Variants in ITPRIPL2 observed in about 807,000 individuals in gnomAD.
ITPRIPL2 encodes the protein inositol 1,4,5-trisphosphate receptor-interacting protein-like 2.
In ITPRIPL2, 29 loss-of-function variants were observed where a neutral mutation model predicts 31.7. The ratio of observed to expected loss-of-function variants is 0.91; its 90% CI spans 0.68 to 1.25. ITPRIPL2 has a LOEUF of 1.25. Among genes scored for constraint, ITPRIPL2 ranks in the 50% most tolerant of loss-of-function variants. ITPRIPL2 has a pLI of 0.00. For missense variants in ITPRIPL2, 696 were observed against 739.1 expected (o/e 0.94, Z 0.68); for synonymous variants, 344 against 343.4 (o/e 1.00, Z -0.02).
chr16:19,114,725 C>T lies in ITPRIPL2; in HGVS notation c.264C>T (p.Ser88=). The T allele has an allele frequency of 2.5e-6, 4 of 1,610,328 alleles. No homozygotes were observed. Among genetic ancestry groups the T allele is most frequent in the East Asian group, 4.5e-5 (2 of 44,870 alleles). The change falls in exon 1 of 1, where the codon TCC becomes TCT. Residue 88 remains serine, a synonymous_variant. Coordinates refer to ENST00000381440, the MANE Select transcript of ITPRIPL2 (RefSeq NM_001034841.4). ...GTCTGGAGGGTCACGCCGCCTTCTC[C>T]TCGAGACACTTCCGAGAGCCGGGCC... The part of the protein sequence containing the change: ...SPRLEGHAAF[S]SRHFREPGLS...
rs1963516070 is a variant in ITPRIPL2 at position 19,121,143 on chromosome 16, G to A, written c.*5074G>A. 1 of 166,832 alleles carries A rather than the reference G, an allele frequency of 6.0e-6. No individual in the cohort carries two copies. Among genetic ancestry groups the A allele is most frequent in the Admixed American group, 6.6e-5 (1 of 15,238 alleles). The allele number at this position is 166,832 out of a possible 1,614,324, so 10.3% of individuals were successfully genotyped here. On this transcript the variant is annotated 3_prime_UTR_variant, in exon 1 of 1. Transcript: ENST00000381440. ...GGGATAAAGCATGTATAAGTTGGGA[G>A]AGGGTAAAGAATGTGTGACTATGTA... is the stretch of plus-strand genomic sequence containing the variant.
chr16:19,114,840 G>C lies in ITPRIPL2; in HGVS notation c.379G>C (p.Val127Leu). The C allele has an allele frequency of 2.5e-6, 4 of 1,604,780 alleles. No individual in the cohort carries two copies. Among genetic ancestry groups the C allele is most frequent in the Non-Finnish European group, 3.4e-6 (4 of 1,176,226 alleles). Residue 127 changes from valine to leucine, a missense_variant, in exon 1 of 1, where the codon GTG (valine) becomes CTG (leucine). By Grantham distance (32) the Val-to-Leu change is conservative (BLOSUM62 1). Transcript: ENST00000381440. ...CAGCAAGGCGCACGTGAGCCGGATC[G>C]TGGGCGAGCTGGTGCGGGCTGGCCG... Reference protein sequence around the residue: ...GHSKAHVSRIVGELVRAGRAR... With the variant: ...GHSKAHVSRILGELVRAGRAR...
chr16:19,116,113 T>G lies in ITPRIPL2; in HGVS notation c.*44T>G. On this transcript the variant is annotated 3_prime_UTR_variant, in exon 1 of 1. Coordinates refer to ENST00000381440, the MANE Select transcript of ITPRIPL2 (RefSeq NM_001034841.4). Reference sequence around the variant, plus strand: ...CCTGACCAAATGCTCCTAAAGCCTTTCCCACTGGGTGGGGGTGGGAATGGC... The same window carrying G: ...CCTGACCAAATGCTCCTAAAGCCTTGCCCACTGGGTGGGGGTGGGAATGGC... The G allele has an allele frequency of 6.6e-7, 1 of 1,504,026 alleles. No individual in the cohort carries two copies. 93.2% of individuals were successfully genotyped at this position (1,504,026 alleles called of 1,614,324 possible). A position where few individuals can be genotyped will look rare whatever the true frequency, so the allele number is the denominator to read the frequency against.
rs757506321 is a variant in ITPRIPL2 at position 19,115,197 on chromosome 16, C to T, written c.736C>T (p.Leu246Phe). 2 of 1,608,326 alleles carry T rather than the reference C, an allele frequency of 1.2e-6. No homozygotes were observed. The highest frequency in any genetic ancestry group is 3.3e-5 in the Admixed American group (2 of 60,030). ...CGTGGATGTGCGCGGGCGGCGTCAC[C>T]TCTCTGCTACTCTGGTGCTGCGCTG... ...FCVDVRGRRH[L>F]SATLVLRWFQ... Residue 246 changes from leucine to phenylalanine, a missense_variant, in exon 1 of 1, where the codon CTC becomes TTC. Coordinates refer to ENST00000381440, the MANE Select transcript of ITPRIPL2 (RefSeq NM_001034841.4).
At position 19,114,677 on chromosome 16, in the gene ITPRIPL2, G is replaced by T; in HGVS notation, c.216G>T (p.Gln72His). The change falls in exon 1 of 1, where the codon CAG (glutamine) becomes CAT (histidine). Residue 72 changes from glutamine (Q) to histidine (H), a missense_variant. Physicochemically the swap from Gln to His is conservative, Grantham distance 24 (BLOSUM62 0). Coordinates refer to ENST00000381440, the MANE Select transcript of ITPRIPL2 (RefSeq NM_001034841.4). ...TGCGCTGTCGCCACGCTGTCCGGCA[G>T]CGCTTCCTGCCCGGGTCTCCCCGTC... The part of the protein sequence containing the change: ...VLLRCRHAVR[Q>H]RFLPGSPRLE... 1 of 1,611,860 alleles carries T rather than the reference G, an allele frequency of 6.2e-7. No individual in the cohort carries two copies. Among genetic ancestry groups the T allele is most frequent in the Non-Finnish European group, 8.5e-7 (1 of 1,179,528 alleles).
In ITPRIPL2 at chr16:19,118,192, T is replaced by C. The variant is rs142063743; in HGVS notation, c.*2123T>C. ...GATTATAAAGCTTTAAGGCTGGGCG[T>C]GGTGGCTCACGCCTGTAATCCCAGC... On this transcript the variant is annotated 3_prime_UTR_variant, in exon 1 of 1. Coordinates refer to ENST00000381440, the MANE Select transcript of ITPRIPL2 (RefSeq NM_001034841.4). 17,322 of 166,574 alleles carry C rather than the reference T, an allele frequency of 0.1. 2,618 individuals carry two copies. The highest frequency in any genetic ancestry group is 0.35 in the African/African-American group (14,305 of 41,238). 10.3% of individuals were successfully genotyped at this position (166,574 alleles called of 1,614,324 possible). A position where few individuals can be genotyped will look rare whatever the true frequency, so the allele number is the denominator to read the frequency against.
chr16:19,119,364 A>C lies in ITPRIPL2; in HGVS notation c.*3295A>C, dbSNP rs193238880. The stretch of plus-strand genomic sequence containing the variant: ...ATTTCCAACCAGGGGTCGCAAACTC[A>C]GCAGCCTGTAGAAACAGGGGTGGGA... On this transcript the variant is annotated 3_prime_UTR_variant, in exon 1 of 1. Transcript: ENST00000381440. The C allele has an allele frequency of 3.8e-6, 1 of 260,078 alleles. No individual in the cohort carries two copies. Among genetic ancestry groups the C allele is most frequent in the Non-Finnish European group, 7.7e-6 (1 of 129,366 alleles). The allele number at this position is 260,078 out of a possible 1,614,324, so 16.1% of individuals were successfully genotyped here. A position where few individuals can be genotyped will look rare whatever the true frequency, so the allele number is the denominator to read the frequency against.
In ITPRIPL2 at chr16:19,117,729, G is replaced by A. The variant is rs1043591066; in HGVS notation, c.*1660G>A. 1 of 166,976 alleles carries A rather than the reference G, an allele frequency of 6.0e-6. No individual in the cohort carries two copies. Among genetic ancestry groups the A allele is most frequent in the Admixed American group, 6.6e-5 (1 of 15,258 alleles). 10.3% of individuals were successfully genotyped at this position (166,976 alleles called of 1,614,324 possible). On this transcript the variant is annotated 3_prime_UTR_variant, in exon 1 of 1. Transcript: ENST00000381440. Reference sequence around the variant, plus strand: ...GAGCTCTTTTGAGGGAACTCTATAAGCCTTCTTTCTTTAGGGGATCCACTT... The same window carrying A: ...GAGCTCTTTTGAGGGAACTCTATAAACCTTCTTTCTTTAGGGGATCCACTT...
chr16:19,119,773 T>C lies in ITPRIPL2; in HGVS notation c.*3704T>C, dbSNP rs967417948. The stretch of plus-strand genomic sequence containing the variant: ...GCCATAGATAACACTTAACTCACAG[T>C]TCCCAGGAGGACACTTGATCTCGAA... On this transcript the variant is annotated 3_prime_UTR_variant, in exon 1 of 1. Coordinates refer to ENST00000381440, the MANE Select transcript of ITPRIPL2 (RefSeq NM_001034841.4). 8 of 166,972 alleles carry C rather than the reference T, an allele frequency of 4.8e-5. No homozygotes were observed. The highest frequency in any genetic ancestry group is 1.9e-4 in the African/African-American group (8 of 41,436). The allele number at this position is 166,972 out of a possible 1,614,324, so 10.3% of individuals were successfully genotyped here. A position where few individuals can be genotyped will look rare whatever the true frequency, so the allele number is the denominator to read the frequency against.
rs117913575 is a variant in ITPRIPL2 at position 19,118,101 on chromosome 16, C to T, written c.*2032C>T. 978 of 164,618 alleles carry T rather than the reference C, an allele frequency of 5.9e-3. 10 individuals carry two copies. The highest frequency in any genetic ancestry group is 0.013 in the South Asian group (62 of 4,770). 10.2% of individuals were successfully genotyped at this position (164,618 alleles called of 1,614,324 possible). A position where few individuals can be genotyped will look rare whatever the true frequency, so the allele number is the denominator to read the frequency against. The stretch of plus-strand genomic sequence containing the variant: ...CATATTTTATATATATATATATTTC[C>T]ATACTCAACCACAACTTCCTCTGTA... On this transcript the variant is annotated 3_prime_UTR_variant, in exon 1 of 1. Transcript: ENST00000381440.
In ITPRIPL2 at chr16:19,115,352, C is replaced by T; in HGVS notation, c.891C>T (p.Asp297=). 6.2e-7 allele frequency: 1 copy of T among 1,613,414 alleles called. No homozygotes were observed. The highest frequency in any genetic ancestry group is 8.5e-7 in the Non-Finnish European group (1 of 1,179,978). The change falls in exon 1 of 1, where the codon GAC becomes GAT. Residue 297 remains aspartate (D), a synonymous_variant. Coordinates refer to ENST00000381440, the MANE Select transcript of ITPRIPL2 (RefSeq NM_001034841.4). ...PTLHILPCRT[D]YGCCRLSMAV... The stretch of plus-strand genomic sequence containing the variant: ...TACACATCTTGCCCTGCCGCACTGA[C>T]TACGGCTGCTGCCGCCTTTCTATGG...
rs1202105816 is a variant in ITPRIPL2 at position 19,120,638 on chromosome 16, T to G, written c.*4569T>G. 1.5e-5 allele frequency: 2 copies of G among 134,714 alleles called. No individual in the cohort carries two copies. Among genetic ancestry groups the G allele is most frequent in the African/African-American group, 6.0e-5 (2 of 33,076 alleles). The allele number at this position is 134,714 out of a possible 1,614,324, so 8.3% of individuals were successfully genotyped here. A position where few individuals can be genotyped will look rare whatever the true frequency, so the allele number is the denominator to read the frequency against. The stretch of plus-strand genomic sequence containing the variant: ...ATATATATATATATTTTTTTTTTTT[T>G]TTTTTAGTAGAGATGGGGTTTCATC... On this transcript the variant is annotated 3_prime_UTR_variant, in exon 1 of 1. Transcript: ENST00000381440.
chr16:19,114,601 G>C lies in ITPRIPL2; in HGVS notation c.140G>C (p.Gly47Ala). 1 of 1,580,594 alleles carries C rather than the reference G, an allele frequency of 6.3e-7. No individual in the cohort carries two copies. The highest frequency in any genetic ancestry group is 2.2e-5 in the East Asian group (1 of 44,454). ...GAGCCCGCCGACGGCGTGGATGGCG[G>C]CTTCCCGTTGCTTAAGGTGGCCGTC... is the stretch of plus-strand genomic sequence containing the variant. ...RAEPADGVDG[G>A]FPLLKVAVLL... The change falls in exon 1 of 1, where the codon GGC becomes GCC. Residue 47 changes from glycine to alanine, a missense_variant. By Grantham distance (60) the Gly-to-Ala change is moderately conservative (BLOSUM62 0). Coordinates refer to ENST00000381440, the MANE Select transcript of ITPRIPL2 (RefSeq NM_001034841.4).
At position 19,120,135 on chromosome 16, in the gene ITPRIPL2, G is replaced by A. The variant is rs1028261682; in HGVS notation, c.*4066G>A. ...CTCAGTCTGTTGCCCAGGCTGGAGT[G>A]CAGTGGCAAGATTGCAGCTCATTGC... On this transcript the variant is annotated 3_prime_UTR_variant, in exon 1 of 1. Transcript: ENST00000381440. 6 of 166,878 alleles carry A rather than the reference G, an allele frequency of 3.6e-5. No individual in the cohort carries two copies. The highest frequency in any genetic ancestry group is 1.5e-4 in the African/African-American group (6 of 41,368). 10.3% of individuals were successfully genotyped at this position (166,878 alleles called of 1,614,324 possible). A position where few individuals can be genotyped will look rare whatever the true frequency, so the allele number is the denominator to read the frequency against.
At position 19,114,552 on chromosome 16, in the gene ITPRIPL2, C is replaced by A. The variant is rs755131376; in HGVS notation, c.91C>A (p.Arg31=). The A allele has an allele frequency of 2.6e-6, 4 of 1,531,356 alleles. No homozygotes were observed. The highest frequency in any genetic ancestry group is 1.3e-5 in the South Asian group (1 of 78,292). 94.9% of individuals were successfully genotyped at this position (1,531,356 alleles called of 1,614,324 possible). The change falls in exon 1 of 1, where the codon CGG becomes AGG. Residue 31 remains arginine, a synonymous_variant. Transcript: ENST00000381440. The part of the protein sequence containing the change: ...TALVCLYHVL[R]GSGGARAEPA... Reference sequence around the variant, plus strand: ...CCTGGTGTGCCTCTACCATGTCCTGCGGGGAAGCGGGGGCGCCCGGGCCGA... The same window carrying A: ...CCTGGTGTGCCTCTACCATGTCCTGAGGGGAAGCGGGGGCGCCCGGGCCGA...
In ITPRIPL2 at chr16:19,115,908, G is replaced by T. The variant is rs534397039; in HGVS notation, c.1447G>T (p.Ala483Ser). 1.6e-5 allele frequency: 25 copies of T among 1,611,958 alleles called. No homozygotes were observed. The East Asian group carries it at 3.8e-4, about 24-fold the overall frequency. ...AGCCGCCCCAGTTGACCTCCTGGCC[G>T]CTTTCGACGGGCACGCCCGGGAACT... is the stretch of plus-strand genomic sequence containing the variant. ...REAAPVDLLA[A>S]FDGHARELAA... is the part of the protein sequence containing the mutation. Residue 483 changes from alanine to serine, a missense_variant, in exon 1 of 1, where the codon GCT becomes TCT. Physicochemically the swap from Ala to Ser is moderately conservative, Grantham distance 99. Coordinates refer to ENST00000381440, the MANE Select transcript of ITPRIPL2 (RefSeq NM_001034841.4).
Position 19,115,803 on chromosome 16 carries a change from C to T in ITPRIPL2, c.1342C>T (p.Arg448Cys), listed in dbSNP as rs749657890. ...GTTCCTTAGGGACTGCCTGCTGCGA[C>T]GCCATACGCTCTTCCACTGCGTCCT... ...VQFLRDCLLR[R>C]HTLFHCVLGP... Residue 448 changes from arginine (R) to cysteine (C), a missense_variant, in exon 1 of 1, where the codon CGC becomes TGC. Coordinates refer to ENST00000381440, the MANE Select transcript of ITPRIPL2 (RefSeq NM_001034841.4). 2 of 1,612,826 alleles carry T rather than the reference C, an allele frequency of 1.2e-6. No individual in the cohort carries two copies. The highest frequency in any genetic ancestry group is 4.5e-5 in the East Asian group (2 of 44,880).
rs958867392 is a variant in ITPRIPL2, at chr16:19,115,204, C to G, written c.743C>G (p.Ala248Gly). Reference sequence around the variant, plus strand: ...GTGCGCGGGCGGCGTCACCTCTCTGCTACTCTGGTGCTGCGCTGGTTCCAG... The same window carrying G: ...GTGCGCGGGCGGCGTCACCTCTCTGGTACTCTGGTGCTGCGCTGGTTCCAG... ...VDVRGRRHLS[A>G]TLVLRWFQSH... Residue 248 changes from alanine (A) to glycine (G), a missense_variant, in exon 1 of 1, where the codon GCT (alanine) becomes GGT (glycine). By Grantham distance (60) the Ala-to-Gly change is moderately conservative (BLOSUM62 0). Coordinates refer to ENST00000381440, the MANE Select transcript of ITPRIPL2 (RefSeq NM_001034841.4). 1 of 1,608,854 alleles carries G rather than the reference C, an allele frequency of 6.2e-7. No individual in the cohort carries two copies. The highest frequency in any genetic ancestry group is 8.5e-7 in the Non-Finnish European group (1 of 1,180,002).
At position 19,116,323 on chromosome 16, in the gene ITPRIPL2, C is replaced by G. The variant is rs1261485736; in HGVS notation, c.*254C>G. The G allele has an allele frequency of 2.1e-6, 1 of 475,936 alleles. No individual in the cohort carries two copies. Among genetic ancestry groups the G allele is most frequent in the Non-Finnish European group, 3.8e-6 (1 of 262,182 alleles). The allele number at this position is 475,936 out of a possible 1,614,324, so 29.5% of individuals were successfully genotyped here. A position where few individuals can be genotyped will look rare whatever the true frequency, so the allele number is the denominator to read the frequency against. ...CCAACAGGAGACCCAAGAATTGGTTCAAATATTGTTCTGTGTAGACGGATT... is the reference window on the plus strand; with the variant it reads ...CCAACAGGAGACCCAAGAATTGGTTGAAATATTGTTCTGTGTAGACGGATT... On this transcript the variant is annotated 3_prime_UTR_variant, in exon 1 of 1. Transcript: ENST00000381440.
Sources: gnomAD v4.1 joint callset for allele counts on GRCh38, gnomAD v4.1.1 for gene constraint, MANE v1.5 for transcripts, NCBI Gene and HGNC (gene_info 2026-07-23, HGNC 2026-07-21) for gene names.